The following SNAP91 variants were observed in gnomAD, a reference collection of about 807,000 sequenced individuals.
The protein encoded by SNAP91 is synaptosome associated protein 91, also known as clathrin coat assembly protein AP180.
Under a neutral mutation model 100.3 loss-of-function variants are expected in SNAP91, and 27 were observed. That is an observed-to-expected ratio of 0.27 (90% CI 0.20 to 0.37). SNAP91 has a LOEUF of 0.37. SNAP91 is among the 10% of genes least tolerant of loss of function. The pLI, the probability that SNAP91 is intolerant of heterozygous loss-of-function variation, is 1.00. For missense variants in SNAP91, 986 were observed against 1,123.7 expected (o/e 0.88, Z 1.75); for synonymous variants, 404 against 398.6 (o/e 1.01, Z -0.16).
At chr6:83,626,571 T>C (rs1426286752) in intron 8 of SNAP91, among the ~76,000 whole-genome samples, 1 of 152,074 alleles carries the variant, frequency 6.6e-6, no homozygotes, top group East Asian at 1.9e-4. Flanking sequence ...AGAGATCTTT[T>C]ATCTCCTTGG....
chr6:83,697,019 T>C (rs1454708148), intron 2 of SNAP91, among the ~76,000 whole-genome samples: 2 of 152,180 alleles, frequency 1.3e-5, no homozygotes, highest in Non-Finnish European at 2.9e-5. Context: ...AATATGTTGT[T>C]ATTTATTGCT....
chr6:83,656,529 A>T (rs1585952907), intron 7 of SNAP91, among the ~76,000 whole-genome samples: 1 of 152,296 alleles, frequency 6.6e-6, no homozygotes, highest in African/African-American at 2.4e-5. Flanking sequence ...AGGGGTGGTT[A>T]GCAGCAATCT....
intron 29 of SNAP91, among the ~76,000 whole-genome samples, chr6:83,555,545 A>G (rs7755337): frequency 0.078 from 11,946 of 152,188 alleles, 995 homozygotes; most frequent in African/African-American, 0.17. Flanking sequence ...GAACCTACCC[A>G]CTGTGTTAGG....
intron 27 of SNAP91, 30 bp from the exon 28 acceptor site, chr6:83,560,238 A>T (rs1223608773): frequency 6.5e-7 from 1 of 1,536,224 alleles, no homozygotes; most frequent in African/African-American, 1.4e-5. Flanking sequence ...AGTGGTTCAG[A>T]GCATGAGTGG....
In SNAP91 at chr6:83,582,126, C is replaced by G. The variant is rs968265734; in HGVS notation, c.2149+96G>C. Reference sequence around the variant, plus strand: ...AAACCAAATTATCACTCAATATTTGCTTGTTGTAAATTTCCTGATAGCATA... The same window carrying G: ...AAACCAAATTATCACTCAATATTTGGTTGTTGTAAATTTCCTGATAGCATA... On this transcript the variant is annotated intron_variant, in intron 23 of 29. Coordinates refer to ENST00000369694, the MANE Select transcript of SNAP91 (RefSeq NM_001242792.2). 12 of 1,308,048 alleles carry G rather than the reference C, an allele frequency of 9.2e-6. No individual in the cohort carries two copies. The African/African-American group carries it at 1.6e-4, about 18-fold the overall frequency. The allele number at this position is 1,308,048 out of a possible 1,614,324, so 81.0% of individuals were successfully genotyped here.
At chr6:83,693,307 A>G (rs779934665) in intron 2 of SNAP91, among the ~76,000 whole-genome samples, 27 of 152,188 alleles carry the variant, frequency 1.8e-4, no homozygotes, top group Non-Finnish European at 3.2e-4. Flanking sequence ...GATGAAGTCA[A>G]TCAGTCACAT....
In SNAP91 at chr6:83,572,290, C is replaced by T. The variant is rs115234322; in HGVS notation, c.2442+2720G>A. On this transcript the variant is annotated intron_variant, in intron 26 of 29. Transcript: ENST00000369694. The stretch of plus-strand genomic sequence containing the variant: ...TGAGACAGGGACTCACTGTCGCCCA[C>T]GGCTGGAGTGTAGTAGCACAATCTC... Among the ~76,000 whole-genome samples the T allele has an allele frequency of 1.1e-3, 165 of 152,210 alleles. 1 individual carries two copies. The highest frequency in any genetic ancestry group is 1.9e-3 in the South Asian group (9 of 4,814).
chr6:83,678,944 G>T, intron 2 of SNAP91: 2 of 979,978 alleles, frequency 2.0e-6, no homozygotes, highest in Non-Finnish European at 1.2e-6. Flanking sequence ...ATATCTAAGT[G>T]AAATGAAAAA....
chr6:83,632,457 T>C (rs574312091), intron 8 of SNAP91, among the ~76,000 whole-genome samples: 1 of 152,298 alleles, frequency 6.6e-6, no homozygotes, highest in East Asian at 1.9e-4. Flanking sequence ...TGGGGAAATT[T>C]TCCTCAATTA....
At chr6:83,703,503 C>A (rs1477472467) in intron 2 of SNAP91, among the ~76,000 whole-genome samples, 1 of 152,088 alleles carries the variant, frequency 6.6e-6, no homozygotes, top group African/African-American at 2.4e-5. Flanking sequence ...TTTTTACTCA[C>A]AAAATTTCTT....
chr6:83,652,522 C>T (rs1019922537), intron 7 of SNAP91, among the ~76,000 whole-genome samples: 3 of 152,074 alleles, frequency 2.0e-5, no homozygotes, highest in African/African-American at 7.2e-5. Flanking sequence ...CCTTGTATTA[C>T]TGCTGTCATT....
chr6:83,689,730 C>T (rs969429814), intron 2 of SNAP91: 2 of 152,058 alleles, frequency 1.3e-5, no homozygotes, highest in African/African-American at 4.8e-5. Context: ...TAATTTTTGA[C>T]ATCACTCCTC....
At chr6:83,649,676 G>C (rs2098113362) in intron 7 of SNAP91, among the ~76,000 whole-genome samples, 1 of 151,848 alleles carries the variant, frequency 6.6e-6, no homozygotes, top group Non-Finnish European at 1.5e-5. Flanking sequence ...CTGCCTCCCA[G>C]CTCAAGTGAT....
chr6:83,583,368 C>A (rs1194640509), intron 22 of SNAP91, among the ~76,000 whole-genome samples: 1 of 152,132 alleles, frequency 6.6e-6, no homozygotes, highest in Non-Finnish European at 1.5e-5. Flanking sequence ...TGCACAGTGC[C>A]TAAAACACTG....
rs941968307 is a variant in SNAP91, at chr6:83,687,971, G to A, written c.130+19827C>T. ...ACTGAGATAAGATAGGTTGAGGGAC[G>A]TGGAAGACACGGGTTCAATCCTGGA... On this transcript the variant is annotated intron_variant, in intron 2 of 29. Coordinates refer to ENST00000369694, the MANE Select transcript of SNAP91 (RefSeq NM_001242792.2). Among the ~76,000 whole-genome samples, 3 of 152,104 alleles carry A rather than the reference G, an allele frequency of 2.0e-5. No homozygotes were observed. In the East Asian group the frequency reaches 5.8e-4, roughly 29 times the overall value.
chr6:83,623,411 A>C, intron 8 of SNAP91, 69 bp from the exon 9 acceptor site: 1 of 1,110,804 alleles, frequency 9.0e-7, no homozygotes, highest in Non-Finnish European at 1.3e-6. Context: ...ATGGAAGATC[A>C]CCTACACAAT....
chr6:83,675,896 T>A lies in SNAP91; in HGVS notation c.131-10315A>T, dbSNP rs561407879. Reference sequence around the variant, plus strand: ...TAGATTCACCCTTTGGCTGCCAATGTCAAAAAAGATTTGGCCATGGCAGGA... The same window carrying A: ...TAGATTCACCCTTTGGCTGCCAATGACAAAAAAGATTTGGCCATGGCAGGA... On this transcript the variant is annotated intron_variant, in intron 2 of 29. Coordinates refer to ENST00000369694, the MANE Select transcript of SNAP91 (RefSeq NM_001242792.2). Among the ~76,000 whole-genome samples, 923 of 112,828 alleles carry A rather than the reference T, an allele frequency of 8.2e-3. 6 individuals carry two copies. Among genetic ancestry groups the A allele is most frequent in the African/African-American group, 0.032 (874 of 27,740 alleles). 74.0% of individuals were successfully genotyped at this position (112,828 alleles called of 152,430 possible). A position where few individuals can be genotyped will look rare whatever the true frequency, so the allele number is the denominator to read the frequency against.
chr6:83,644,797 G>A (rs1211017090), intron 7 of SNAP91, among the ~76,000 whole-genome samples: 2 of 152,138 alleles, frequency 1.3e-5, no homozygotes, highest in Non-Finnish European at 2.9e-5. Flanking sequence ...TCCAACATTA[G>A]GTGTAAAGTA....
intron 1 of SNAP91, 148 bp from the exon 2 acceptor site, chr6:83,708,105 G>A: frequency 1.5e-6 from 1 of 654,502 alleles, no homozygotes; most frequent in Non-Finnish European, 2.4e-6. Flanking sequence ...AACGCGCCAA[G>A]CCCCGCTCCT....
Sources: gnomAD v4.1 joint callset for allele counts (sites outside exome capture counted in the v4.1 genomes callset) on GRCh38, gnomAD v4.1.1 for gene constraint, MANE v1.5 for transcripts, NCBI Gene and HGNC (gene_info 2026-07-23, HGNC 2026-07-21) for gene names.